The following SNTG2 variants were observed in gnomAD, a reference collection of about 807,000 sequenced individuals.
SNTG2 encodes syntrophin gamma 2, also known as gamma-2-syntrophin.
A neutral mutation model predicts 70.9 loss-of-function variants in SNTG2; 74 were observed. The observed-to-expected ratio is 1.04, with a 90% CI of 0.86 to 1.27. The LOEUF (loss-of-function observed/expected upper bound fraction) is 1.27. Among genes scored for constraint, SNTG2 ranks in the 50% most tolerant of loss-of-function variants. The pLI is 0.00. For missense variants in SNTG2, 717 were observed against 690.7 expected (o/e 1.04, Z -0.43); for synonymous variants, 278 against 273.8 (o/e 1.02, Z -0.15).
intron 4 of SNTG2, among the ~76,000 whole-genome samples, chr2:1,135,191 A>G (rs953049065): frequency 6.6e-6 from 1 of 152,284 alleles, no homozygotes; most frequent in East Asian, 1.9e-4. Context: ...TCCATTCTGA[A>G]AACTCTAGAT....
chr2:1,073,000 T>C (rs7561563), intron 1 of SNTG2, among the ~76,000 whole-genome samples: 124,434 of 152,258 alleles, frequency 0.82, 50,911 homozygotes, highest in Admixed American at 0.89. Flanking sequence ...GCTGCAATCT[T>C]ATTATAAAAC....
At chr2:1,323,201 C>A (rs1007699064) in intron 16 of SNTG2, among the ~76,000 whole-genome samples, 5 of 152,176 alleles carry the variant, frequency 3.3e-5, no homozygotes, top group African/African-American at 1.2e-4. Context: ...TCTCTCTGAT[C>A]AGAATCTTTT....
chr2:1,009,843 C>G (rs1659677454), intron 1 of SNTG2, among the ~76,000 whole-genome samples: 2 of 152,150 alleles, frequency 1.3e-5, no homozygotes. Context: ...GAGATCTTCC[C>G]TTCCCTATGT....
chr2:1,172,018 C>T (rs1186632169), intron 7 of SNTG2, among the ~76,000 whole-genome samples: 1 of 152,148 alleles, frequency 6.6e-6, no homozygotes, highest in Admixed American at 6.5e-5. Context: ...ACAGGGCATC[C>T]CAAATACAAA....
At chr2:1,294,808 G>T (rs1343960571) in intron 14 of SNTG2, among the ~76,000 whole-genome samples, 1 of 152,214 alleles carries the variant, frequency 6.6e-6, no homozygotes, top group African/African-American at 2.4e-5. Context: ...GTATATGAGG[G>T]AAGTGAGTGT....
rs1185265157 is a variant in SNTG2 at position 991,374 on chromosome 2, C to CACACACACAT, written c.72+40315_72+40316insTACACACACA. On this transcript the variant is annotated intron_variant, in intron 1 of 16. Transcript: ENST00000308624. ...GGAGCTTATAAGTTCTGTAATATTA[C>CACACACACAT]ACACACACACACACACACACACACA... 1.8e-3 allele frequency among the ~76,000 whole-genome samples: 252 copies of CACACACACAT among 139,238 alleles called. 2 individuals are homozygous for CACACACACAT. In the South Asian group the frequency reaches 0.026, roughly 14 times the overall value. The allele number at this position is 139,238 out of a possible 152,430, so 91.3% of individuals were successfully genotyped here. A position where few individuals can be genotyped will look rare whatever the true frequency, so the allele number is the denominator to read the frequency against.
intron 14 of SNTG2, among the ~76,000 whole-genome samples, chr2:1,299,178 T>C (rs1203359354): frequency 6.6e-6 from 1 of 152,238 alleles, no homozygotes; most frequent in Non-Finnish European, 1.5e-5. Flanking sequence ...GAACATGCCC[T>C]GCACTGCTGC....
intron 6 of SNTG2, among the ~76,000 whole-genome samples, chr2:1,161,827 C>G (rs1001779786): frequency 1.3e-5 from 2 of 152,106 alleles, no homozygotes; most frequent in Admixed American, 1.3e-4. Flanking sequence ...GTAATCCCAG[C>G]AGTTTGGGAG....
chr2:1,173,770 T>G (rs774385154), intron 8 of SNTG2, among the ~76,000 whole-genome samples: 9 of 152,226 alleles, frequency 5.9e-5, no homozygotes, highest in African/African-American at 1.2e-4. Context: ...TGAGAGAACC[T>G]GCAGCTCCCT....
intron 1 of SNTG2, among the ~76,000 whole-genome samples, chr2:973,511 T>G (rs1660811774): frequency 6.6e-6 from 1 of 151,110 alleles, no homozygotes; most frequent in East Asian, 1.9e-4. Context: ...TTCTTGGGGG[T>G]GTGTGTGTAT....
intron 9 of SNTG2, among the ~76,000 whole-genome samples, chr2:1,232,513 G>T (rs955038126): frequency 6.6e-6 from 1 of 152,020 alleles, no homozygotes; most frequent in South Asian, 2.1e-4. Flanking sequence ...GGTCAGGCTG[G>T]TCTTGAACTC....
At chr2:979,908 T>A (rs906799224) in intron 1 of SNTG2, among the ~76,000 whole-genome samples, 2 of 152,108 alleles carry the variant, frequency 1.3e-5, no homozygotes, top group Non-Finnish European at 2.9e-5. Context: ...TTAAATACAT[T>A]ATGAAAGAAT....
chr2:960,077 T>G (rs1224039087), intron 1 of SNTG2, among the ~76,000 whole-genome samples: 1 of 152,166 alleles, frequency 6.6e-6, no homozygotes, highest in Admixed American at 6.5e-5. Flanking sequence ...TCAATTACCA[T>G]CATCCCCCTG....
intron 13 of SNTG2, among the ~76,000 whole-genome samples, chr2:1,266,119 C>T (rs2148181054): frequency 6.6e-6 from 1 of 151,690 alleles, no homozygotes; most frequent in African/African-American, 2.4e-5. Context: ...AACAGAATGA[C>T]AGAAATGGAG....
chr2:1,067,490 A>G (rs1663233944), intron 1 of SNTG2, among the ~76,000 whole-genome samples: 1 of 152,234 alleles, frequency 6.6e-6, no homozygotes, highest in Non-Finnish European at 1.5e-5. Flanking sequence ...TTGTAAAATC[A>G]GTTAATAACA....
chr2:1,141,442 C>T (rs1668743018), intron 6 of SNTG2, among the ~76,000 whole-genome samples: 1 of 152,124 alleles, frequency 6.6e-6, no homozygotes, highest in African/African-American at 2.4e-5. Context: ...AGCTGTTTAC[C>T]AGGTATCAGG....
intron 1 of SNTG2, among the ~76,000 whole-genome samples, chr2:953,477 G>C (rs1660045410): frequency 6.6e-6 from 1 of 152,232 alleles, no homozygotes; most frequent in Admixed American, 6.5e-5. Context: ...TGCATGTGGG[G>C]TAAGGGCACC....
chr2:1,004,807 C>G (rs1659517063), intron 1 of SNTG2, among the ~76,000 whole-genome samples: 1 of 152,184 alleles, frequency 6.6e-6, no homozygotes, highest in Non-Finnish European at 1.5e-5. Flanking sequence ...GTTGTGCTCT[C>G]TGGACTTTAC....
chr2:1,362,887 C>T (rs1320495553), intron 16 of SNTG2, among the ~76,000 whole-genome samples: 2 of 152,154 alleles, frequency 1.3e-5, no homozygotes, highest in African/African-American at 4.8e-5. Context: ...CCATGAAAGT[C>T]ACCAACGCTG....
Sources: allele counts gnomAD v4.1 joint callset (sites outside exome capture counted in the v4.1 genomes callset), GRCh38; gene constraint gnomAD v4.1.1; transcripts MANE v1.5; gene names NCBI Gene and HGNC (gene_info 2026-07-23, HGNC 2026-07-21).